TSHZ1: variants seen among roughly 807,000 people sequenced by gnomAD.
The protein encoded by TSHZ1 is teashirt homolog 1.
TSHZ1 carries 12 observed loss-of-function variants against 67.1 expected under a neutral mutation model. That is an observed-to-expected ratio of 0.18 (90% CI 0.11 to 0.29). The LOEUF is 0.29. Among genes scored for constraint, TSHZ1 ranks in the 10% least tolerant of loss-of-function variants. The pLI is 1.00. For synonymous variants in TSHZ1, 632 were observed against 622.4 expected (o/e 1.02, Z -0.23); for missense variants, 1,305 against 1,413.9 (o/e 0.92, Z 1.23).
intron 1 of TSHZ1, among the ~76,000 whole-genome samples, chr18:75,278,037 G>C (rs998119841): frequency 2.0e-5 from 3 of 151,946 alleles, no homozygotes; most frequent in Non-Finnish European, 4.4e-5. Context: ...CTTCTGCCAC[G>C]CTAAGGGGGT....
intron 1 of TSHZ1, among the ~76,000 whole-genome samples, chr18:75,269,640 A>G (rs2023533696): frequency 6.6e-6 from 1 of 152,250 alleles, no homozygotes; most frequent in Non-Finnish European, 1.5e-5. Context: ...TAAAATGTAC[A>G]AAATTGATAC....
Position 75,285,875 on chromosome 18 carries a change from C to A in TSHZ1, c.468C>A (p.Pro156=). 2 of 1,553,086 alleles carry A rather than the reference C, an allele frequency of 1.3e-6. No homozygotes were observed. Among genetic ancestry groups the A allele is most frequent in the South Asian group, 2.4e-5 (2 of 84,930 alleles). Residue 156 remains proline, a synonymous_variant, in exon 2 of 2, where the codon CCC becomes CCA. Transcript: ENST00000580243. The stretch of plus-strand genomic sequence containing the variant: ...CCAGCCAGAAGGAGAGCTCCGCCCC[C>A]ACCCCCACACCCCCCACCTGCCCCG... ...NDASQKESSA[P]TPTPPTCPVS...
chr18:75,244,870 G>A (rs1211012235), intron 1 of TSHZ1, among the ~76,000 whole-genome samples: 2 of 152,120 alleles, frequency 1.3e-5, no homozygotes, highest in African/African-American at 2.4e-5. Context: ...AAACACGACC[G>A]TTTGACCGAA....
chr18:75,225,042 A>G (rs2022905525), intron 1 of TSHZ1, among the ~76,000 whole-genome samples: 1 of 152,050 alleles, frequency 6.6e-6, no homozygotes, highest in Non-Finnish European at 1.5e-5. Flanking sequence ...GCTTTTGGTA[A>G]AATTTGAGTT....
At chr18:75,269,122 T>C (rs1012409978) in intron 1 of TSHZ1, among the ~76,000 whole-genome samples, 3 of 152,166 alleles carry the variant, frequency 2.0e-5, no homozygotes, top group Non-Finnish European at 2.9e-5. Context: ...ATAAAAGAAG[T>C]ATTTCTGCTC....
chr18:75,256,981 A>G (rs1042445078), intron 1 of TSHZ1, among the ~76,000 whole-genome samples: 12 of 152,198 alleles, frequency 7.9e-5, no homozygotes, highest in African/African-American at 2.9e-4. Context: ...GCTCTTTTTA[A>G]AATATTCAGA....
At chr18:75,212,192 G>A (rs768723404) in intron 1 of TSHZ1, among the ~76,000 whole-genome samples, 104 of 152,226 alleles carry the variant, frequency 6.8e-4, no homozygotes, top group Non-Finnish European at 1.3e-3. Context: ...CCGCGGGACG[G>A]CGGGTGCTTC....
Position 75,286,310 on chromosome 18 carries a change from G to A in TSHZ1, c.903G>A (p.Glu301=). The A allele has an allele frequency of 1.9e-6, 3 of 1,613,016 alleles. No individual in the cohort carries two copies. The highest frequency in any genetic ancestry group is 2.5e-6 in the Non-Finnish European group (3 of 1,179,090). ...CCCTGATGGAGATGGAGGGGAAGGA[G>A]GATGCCCAGAAGGTGCTGAAGTGCA... is the stretch of plus-strand genomic sequence containing the variant. ...KRSLMEMEGK[E]DAQKVLKCMY... Residue 301 remains glutamate (E), a synonymous_variant, in exon 2 of 2, where the codon GAG becomes GAA. Coordinates refer to ENST00000580243, the MANE Select transcript of TSHZ1 (RefSeq NM_001308210.2). This position sits in a 1 kb window ranked among gnomAD's most constrained non-coding sequence, Gnocchi z 5.1.
At chr18:75,267,331 C>T (rs937251384) in intron 1 of TSHZ1, among the ~76,000 whole-genome samples, 18 of 152,208 alleles carry the variant, frequency 1.2e-4, no homozygotes, top group Non-Finnish European at 2.2e-4. Flanking sequence ...CAGACCCCAT[C>T]TCACCCATAG....
At chr18:75,211,956 G>A (rs1188765819) in intron 1 of TSHZ1, 40 bp downstream of exon 1, 1 of 1,199,528 alleles carries the variant, frequency 8.3e-7, no homozygotes, top group Non-Finnish European at 1.0e-6. Flanking sequence ...AGTGGGCGCC[G>A]GGAGGAGCAG....
chr18:75,286,901 A>G lies in TSHZ1; in HGVS notation c.1494A>G (p.Glu498=), dbSNP rs2122623364. 6.2e-7 allele frequency: 1 copy of G among 1,614,212 alleles called. No homozygotes were observed. Among genetic ancestry groups the G allele is most frequent in the East Asian group, 2.2e-5 (1 of 44,874 alleles). Reference sequence around the variant, plus strand: ...CCGCGGGGTCCACGACTTCTGAAGAAAAGAAAGAGCCAGAGAAGGAGAAGC... The same window carrying G: ...CCGCGGGGTCCACGACTTCTGAAGAGAAGAAAGAGCCAGAGAAGGAGAAGC... ...DSPAGSTTSE[E]KKEPEKEKPP... is the part of the protein sequence containing the mutation. Residue 498 remains glutamate, a synonymous_variant, in exon 2 of 2, where the codon GAA becomes GAG. Transcript: ENST00000580243. This position sits in a 1 kb window ranked among gnomAD's most constrained non-coding sequence, Gnocchi z 5.1.
At chr18:75,280,526 AACTT>A (rs1368475513) in intron 1 of TSHZ1, among the ~76,000 whole-genome samples, 1 of 152,248 alleles carries the variant, frequency 6.6e-6, no homozygotes, top group African/African-American at 2.4e-5. Context: ...AAAAGAAAAT[AACTT>A]GATCCCGATA....
intron 1 of TSHZ1, among the ~76,000 whole-genome samples, chr18:75,215,370 G>A (rs1325306126): frequency 6.6e-6 from 1 of 152,196 alleles, no homozygotes; most frequent in African/African-American, 2.4e-5. Context: ...AATTATACCT[G>A]TGAAATCACA....
chr18:75,287,347 C>T lies in TSHZ1; in HGVS notation c.1940C>T (p.Thr647Met), dbSNP rs748283144. Reference protein sequence around the residue: ...SAMEELVEKVTGKVNIKKEER... With the variant: ...SAMEELVEKVMGKVNIKKEER... The stretch of plus-strand genomic sequence containing the variant: ...ATGGAGGAGCTGGTGGAGAAGGTCA[C>T]GGGCAAGGTCAACATCAAGAAGGAG... The change falls in exon 2 of 2, where the codon ACG becomes ATG. Residue 647 changes from threonine to methionine, a missense_variant. Transcript: ENST00000580243. The surrounding 1 kb of genome is among the most constrained non-coding windows in gnomAD (Gnocchi z 5.0). 1.3e-5 allele frequency: 21 copies of T among 1,613,988 alleles called. No individual in the cohort carries two copies. The highest frequency in any genetic ancestry group is 3.3e-5 in the South Asian group (3 of 91,076).
intron 1 of TSHZ1, among the ~76,000 whole-genome samples, chr18:75,239,623 C>T (rs1320256389): frequency 6.6e-6 from 1 of 152,142 alleles, no homozygotes; most frequent in Non-Finnish European, 1.5e-5. Context: ...ACATCAGCCT[C>T]CCATGTAGCT....
At chr18:75,234,423 C>G (rs1311866653) in intron 1 of TSHZ1, among the ~76,000 whole-genome samples, 6 of 152,138 alleles carry the variant, frequency 3.9e-5, no homozygotes, top group African/African-American at 1.4e-4. Context: ...AGTTTTTGCA[C>G]AGTTTTAAAA....
chr18:75,248,367 A>G (rs1317941787), intron 1 of TSHZ1, among the ~76,000 whole-genome samples: 1 of 152,192 alleles, frequency 6.6e-6, no homozygotes, highest in African/African-American at 2.4e-5. Flanking sequence ...AAGTGTATTC[A>G]CCCTCAGGTT....
intron 1 of TSHZ1, among the ~76,000 whole-genome samples, chr18:75,218,888 G>A (rs2122515466): frequency 6.6e-6 from 1 of 152,230 alleles, no homozygotes; most frequent in South Asian, 2.1e-4. Flanking sequence ...TTGCTGGGAG[G>A]GCTGTTTCCT....
chr18:75,276,395 G>A (rs567110932), intron 1 of TSHZ1, among the ~76,000 whole-genome samples: 1 of 152,028 alleles, frequency 6.6e-6, no homozygotes, highest in East Asian at 1.9e-4. Flanking sequence ...GTAAATTAGT[G>A]CGTATATTGT....
Sources: gnomAD v4.1 joint callset for allele counts (sites outside exome capture counted in the v4.1 genomes callset) on GRCh38, gnomAD v4.1.1 for gene constraint, Gnocchi (gnomAD v3.1) non-coding constraint, MANE v1.5 for transcripts, NCBI Gene and HGNC (gene_info 2026-07-23, HGNC 2026-07-21) for gene names.